Variants in PSD4 observed in about 807,000 individuals in gnomAD.
PSD4 encodes the protein pleckstrin and Sec7 domain containing 4, also known as PH and SEC7 domain-containing protein 4.
Under a neutral mutation model 112.5 loss-of-function variants are expected in PSD4, and 59 were observed. That is an observed-to-expected ratio of 0.52 (90% CI 0.43 to 0.65). The LOEUF (loss-of-function observed/expected upper bound fraction) is 0.65. PSD4 is among the 30% of genes least tolerant of loss of function. The pLI, the probability that PSD4 is intolerant of heterozygous loss-of-function variation, is 0.00. For synonymous variants in PSD4, 533 were observed against 540.0 expected, an observed-to-expected ratio of 0.99 and a Z score of 0.18; for missense variants, 1,267 against 1,352.6, an observed-to-expected ratio of 0.94 and a Z score of 0.99.
At chr2:113,186,326 G>A (rs1177926548) in intron 5 of PSD4, 71 bp downstream of exon 5, 1 of 1,456,092 alleles carries the variant, frequency 6.9e-7, no homozygotes, top group Non-Finnish European at 9.2e-7. Context: ...AGTCTGGATG[G>A]AGGGTGAGAA....
At position 113,208,329 on chromosome 2, in the gene PSD4, A is replaced by G. The variant is rs1688893798; in HGVS notation, c.*6914A>G. 6.6e-6 allele frequency: 1 copy of G among 152,238 alleles called. No homozygotes were observed. Among genetic ancestry groups the G allele is most frequent in the Non-Finnish European group, 1.5e-5 (1 of 68,048 alleles). The allele number at this position is 152,238 out of a possible 1,614,324, so 9.4% of individuals were successfully genotyped here. A position where few individuals can be genotyped will look rare whatever the true frequency, so the allele number is the denominator to read the frequency against. On this transcript the variant is annotated 3_prime_UTR_variant, in exon 17 of 17. Coordinates refer to ENST00000245796, the MANE Select transcript of PSD4 (RefSeq NM_012455.3). ...CTCTGTTCTGAATTTCAGACCTGGA[A>G]TTCTAACTGTCCACAATACATGGCT...
At chr2:113,194,726 A>G (rs1043656804) in intron 10 of PSD4, among the ~76,000 whole-genome samples, 7 of 152,232 alleles carry the variant, frequency 4.6e-5, no homozygotes, top group African/African-American at 1.7e-4. Flanking sequence ...GTATATCTAA[A>G]CATAGAAAAG....
rs1266966430 is a variant in PSD4, at chr2:113,198,236, T to G, written c.2624+323T>G. 6 of 329,094 alleles carry G rather than the reference T, an allele frequency of 1.8e-5. No individual in the cohort carries two copies. The South Asian group carries it at 4.5e-4, about 25-fold the overall frequency. The allele number at this position is 329,094 out of a possible 1,614,324, so 20.4% of individuals were successfully genotyped here. On this transcript the variant is annotated intron_variant, in intron 14 of 16. Coordinates refer to ENST00000245796, the MANE Select transcript of PSD4 (RefSeq NM_012455.3). ...GATTGACCATATCTGGCATTTGTTA[T>G]GAAATCTGTCACCTTCTCAGATTGT...
chr2:113,185,664 A>G, intron 4 of PSD4: 1 of 1,547,812 alleles, frequency 6.5e-7, no homozygotes, highest in Non-Finnish European at 8.7e-7. Flanking sequence ...TGGTTTAGCA[A>G]AGGTCCTGAG....
chr2:113,186,695 C>G (rs1038778348), intron 5 of PSD4, among the ~76,000 whole-genome samples: 1 of 152,148 alleles, frequency 6.6e-6, no homozygotes, highest in Non-Finnish European at 1.5e-5. Flanking sequence ...AGGCATTCAC[C>G]AAAGAACCTG....
At position 113,185,396 on chromosome 2, in the gene PSD4, G is replaced by A. The variant is rs1688269081; in HGVS notation, c.1205G>A (p.Gly402Glu). The change falls in exon 4 of 17, where the codon GGA becomes GAA. Residue 402 changes from glycine to glutamate, a missense_variant. Coordinates refer to ENST00000245796, the MANE Select transcript of PSD4 (RefSeq NM_012455.3). ...ASLSPEGWQRGGPFWPQVTLN... is the reference protein window; with the variant it reads ...ASLSPEGWQREGPFWPQVTLN... ...CTCAGCCCTGAGGGCTGGCAGAGAG[G>A]AGGTCCTTTTTGGCCCCAGGTGACT... 6.2e-7 allele frequency: 1 copy of A among 1,614,192 alleles called. No individual in the cohort carries two copies. The highest frequency in any genetic ancestry group is 1.3e-5 in the African/African-American group (1 of 75,046).
chr2:113,192,326 C>T, intron 5 of PSD4, 54 bp from the exon 6 acceptor site: 1 of 1,567,474 alleles, frequency 6.4e-7, no homozygotes, highest in South Asian at 1.1e-5. Context: ...GAACTCTTGC[C>T]ACAACTGACC....
chr2:113,205,534 G>C lies in PSD4; in HGVS notation c.*4119G>C, dbSNP rs1487572244. On this transcript the variant is annotated 3_prime_UTR_variant, in exon 17 of 17. Coordinates refer to ENST00000245796, the MANE Select transcript of PSD4 (RefSeq NM_012455.3). Reference sequence around the variant, plus strand: ...AATCCCAGCTACTCAGGAGGCTGAAGCAGGAGAATGGCTTGAACCCAGGAG... The same window carrying C: ...AATCCCAGCTACTCAGGAGGCTGAACCAGGAGAATGGCTTGAACCCAGGAG... 1 of 152,190 alleles carries C rather than the reference G, an allele frequency of 6.6e-6. No homozygotes were observed. Among genetic ancestry groups the C allele is most frequent in the Non-Finnish European group, 1.5e-5 (1 of 68,062 alleles). The allele number at this position is 152,190 out of a possible 1,614,324, so 9.4% of individuals were successfully genotyped here. A position where few individuals can be genotyped will look rare whatever the true frequency, so the allele number is the denominator to read the frequency against.
intron 1 of PSD4, among the ~76,000 whole-genome samples, chr2:113,179,353 G>A (rs1688062507): frequency 6.6e-6 from 1 of 152,104 alleles, no homozygotes. Flanking sequence ...GGTGGGAGGT[G>A]GAGAGGCAGA....
chr2:113,183,896 G>A (rs915802502), intron 2 of PSD4, among the ~76,000 whole-genome samples: 1 of 152,128 alleles, frequency 6.6e-6, no homozygotes, highest in Admixed American at 6.5e-5. Context: ...ACAGGGCAGC[G>A]CTCAGCCTGC....
At position 113,198,709 on chromosome 2, in the gene PSD4, C is replaced by A. The variant is rs372637083; in HGVS notation, c.2625-31C>A. On this transcript the variant is annotated intron_variant, in intron 14 of 16. Transcript: ENST00000245796. The stretch of plus-strand genomic sequence containing the variant: ...GAGGGTGACAGGACGGACTCTGTGT[C>A]CCCGGGGACCAACGACCTCCTTTGC... The A allele has an allele frequency of 4.6e-6, 7 of 1,512,784 alleles. No individual in the cohort carries two copies. The African/African-American group carries it at 9.8e-5, about 21-fold the overall frequency. The allele number at this position is 1,512,784 out of a possible 1,614,324, so 93.7% of individuals were successfully genotyped here.
In PSD4 at chr2:113,201,849, A is replaced by G; in HGVS notation, c.*434A>G. 1 of 169,358 alleles carries G rather than the reference A, an allele frequency of 5.9e-6. No homozygotes were observed. Among genetic ancestry groups the G allele is most frequent in the Non-Finnish European group, 1.3e-5 (1 of 77,642 alleles). The allele number at this position is 169,358 out of a possible 1,614,324, so 10.5% of individuals were successfully genotyped here. ...CTTGGGGCAGCAGAGGCCCCTGGGC[A>G]GCCCAGCCAGGGGAGCCACAGCCCC... On this transcript the variant is annotated 3_prime_UTR_variant, in exon 17 of 17. Transcript: ENST00000245796.
In PSD4 at chr2:113,202,463, TG is replaced by T. The variant is rs1397653401; in HGVS notation, c.*1052del. On this transcript the variant is annotated 3_prime_UTR_variant, in exon 17 of 17. Coordinates refer to ENST00000245796, the MANE Select transcript of PSD4 (RefSeq NM_012455.3). The stretch of plus-strand genomic sequence containing the variant: ...CACATGCCTTAAACCTTCCTTCCTG[TG>T]GGGTGCCTGGACCCCTTCCCCATCT... 4 of 152,474 alleles carry T rather than the reference TG, an allele frequency of 2.6e-5. No homozygotes were observed. Among genetic ancestry groups the T allele is most frequent in the Admixed American group, 2.6e-4 (4 of 15,292 alleles). 9.4% of individuals were successfully genotyped at this position (152,474 alleles called of 1,614,324 possible). A position where few individuals can be genotyped will look rare whatever the true frequency, so the allele number is the denominator to read the frequency against.
chr2:113,195,500 T>G (rs1688580829), intron 10 of PSD4, among the ~76,000 whole-genome samples: 1 of 151,118 alleles, frequency 6.6e-6, no homozygotes, highest in South Asian at 2.1e-4. Context: ...ATAGTGCTTG[T>G]TGCTGGGAAA....
intron 14 of PSD4, 97 bp downstream of exon 14, chr2:113,198,010 G>T: frequency 7.6e-7 from 1 of 1,310,024 alleles, no homozygotes; most frequent in East Asian, 2.6e-5. Flanking sequence ...GGGCCCCAGG[G>T]GGTCCTGGTG....
chr2:113,183,248 G>C lies in PSD4; in HGVS notation c.792G>C (p.Glu264Asp). 1 of 1,614,200 alleles carries C rather than the reference G, an allele frequency of 6.2e-7. No homozygotes were observed. Among genetic ancestry groups the C allele is most frequent in the Non-Finnish European group, 8.5e-7 (1 of 1,180,016 alleles). The change falls in exon 2 of 17, where the codon GAG (glutamate) becomes GAC (aspartate). Residue 264 changes from glutamate to aspartate, a missense_variant. Around this residue, in one of 2 missense-constraint regions of PSD4, gnomAD observed 723 missense variants for 704.0 expected, o/e 1.03. Transcript: ENST00000245796. ...SPCSENSASG[E>D]CFSWGASDSH... is the part of the protein sequence containing the mutation. The stretch of plus-strand genomic sequence containing the variant: ...GCTCAGAGAACAGTGCTTCTGGAGA[G>C]TGCTTTTCCTGGGGGGCTTCAGACT...
At position 113,195,165 on chromosome 2, in the gene PSD4, C is replaced by CT. The variant is rs10603865; in HGVS notation, c.2182-548dup. ...GGGACTTGTCTGCCCTGGTCATCAT[C>CT]TTTTTTTTTTTTTTGAGATGGAGTC... On this transcript the variant is annotated intron_variant, in intron 10 of 16. Transcript: ENST00000245796. Among the ~76,000 whole-genome samples, 622 of 145,836 alleles carry CT rather than the reference C, an allele frequency of 4.3e-3. 6 individuals carry two copies. Among genetic ancestry groups the CT allele is most frequent in the African/African-American group, 9.3e-3 (369 of 39,690 alleles).
At position 113,201,443 on chromosome 2, in the gene PSD4, C is replaced by G; in HGVS notation, c.*28C>G. 6.2e-7 allele frequency: 1 copy of G among 1,610,270 alleles called. No homozygotes were observed. The highest frequency in any genetic ancestry group is 8.5e-7 in the Non-Finnish European group (1 of 1,178,732). On this transcript the variant is annotated 3_prime_UTR_variant, in exon 17 of 17. Transcript: ENST00000245796. ...CCAGCACCACCTCAGAGACACTGTT[C>G]CCTGCTCCAGGGTAGACCTGAGATG...
At chr2:113,183,984 T>G (rs1408654297) in intron 2 of PSD4, among the ~76,000 whole-genome samples, 2 of 152,254 alleles carry the variant, frequency 1.3e-5, no homozygotes, top group Non-Finnish European at 1.5e-5. Flanking sequence ...GATTTCAGCA[T>G]GTTGTTACTT....
Sources: allele counts gnomAD v4.1 joint callset (sites outside exome capture counted in the v4.1 genomes callset), GRCh38; gene constraint gnomAD v4.1.1; regional missense constraint gnomAD v4.1.1; transcripts MANE v1.5; gene names NCBI Gene and HGNC (gene_info 2026-07-23, HGNC 2026-07-21).